SEPTIN14: variants seen among roughly 807,000 people sequenced by gnomAD.
SEPTIN14 encodes septin-14.
Under a neutral mutation model 53.6 loss-of-function variants are expected in SEPTIN14, and 40 were observed. The observed-to-expected ratio is 0.75, with a 90% CI of 0.58 to 0.97. SEPTIN14 has a LOEUF of 0.97. SEPTIN14 is among the 50% of genes least tolerant of loss of function. The pLI is 0.00. For synonymous variants in SEPTIN14, 138 were observed against 166.8 expected, an observed-to-expected ratio of 0.83 and a Z score of 1.33; for missense variants, 471 against 508.2, an observed-to-expected ratio of 0.93 and a Z score of 0.70.
intron 5 of SEPTIN14, 136 bp downstream of exon 5, chr7:55,842,806 G>C: frequency 4.4e-6 from 2 of 453,616 alleles, no homozygotes; most frequent in South Asian, 8.8e-5. Context: ...CCAGCTACTC[G>C]GGAGGCTGAA....
chr7:55,817,309 T>C (rs1276177767), intron 7 of SEPTIN14, among the ~76,000 whole-genome samples: 1 of 152,046 alleles, frequency 6.6e-6, no homozygotes, highest in Non-Finnish European at 1.5e-5. Context: ...AAAGTTAAAC[T>C]TGTAGAAACA....
intron 9 of SEPTIN14, among the ~76,000 whole-genome samples, chr7:55,801,955 C>A (rs1788527702): frequency 6.6e-6 from 1 of 151,464 alleles, no homozygotes; most frequent in African/African-American, 2.4e-5. Flanking sequence ...TACAAAAATA[C>A]TTCCCAAAGT....
intron 2 of SEPTIN14, among the ~76,000 whole-genome samples, chr7:55,854,028 G>A (rs977706838): frequency 6.6e-6 from 1 of 152,072 alleles, no homozygotes; most frequent in African/African-American, 2.4e-5. Flanking sequence ...GGCTGAGGCG[G>A]GAGAATCACT....
intron 5 of SEPTIN14, among the ~76,000 whole-genome samples, chr7:55,835,626 A>G (rs1789192232): frequency 6.6e-6 from 1 of 152,268 alleles, no homozygotes; most frequent in East Asian, 1.9e-4. Flanking sequence ...TTTTCCATCA[A>G]TCAATCTTAA....
chr7:55,842,028 A>C (rs988620015), intron 5 of SEPTIN14, among the ~76,000 whole-genome samples: 1 of 151,882 alleles, frequency 6.6e-6, no homozygotes, highest in Non-Finnish European at 1.5e-5. Flanking sequence ...GTAAGACTCC[A>C]TCTCAAAATA....
At position 55,837,575 on chromosome 7, in the gene SEPTIN14, T is replaced by C. The variant is rs147086386; in HGVS notation, c.559-2989A>G. 6.4e-3 allele frequency among the ~76,000 whole-genome samples: 978 copies of C among 152,050 alleles called. 4 individuals are homozygous for C. Among genetic ancestry groups the C allele is most frequent in the Non-Finnish European group, 9.8e-3 (664 of 67,926 alleles). Reference sequence around the variant, plus strand: ...GCAGGCAGCTTGAACCCACTACCCATGCTTTTTTATTTATTTTTTTTTTTG... The same window carrying C: ...GCAGGCAGCTTGAACCCACTACCCACGCTTTTTTATTTATTTTTTTTTTTG... On this transcript the variant is annotated intron_variant, in intron 5 of 9. Coordinates refer to ENST00000388975, the MANE Select transcript of SEPTIN14 (RefSeq NM_207366.3).
At chr7:55,844,844 C>T in intron 3 of SEPTIN14, 126 bp from the exon 4 acceptor site, 1 of 435,548 alleles carries the variant, frequency 2.3e-6, no homozygotes, top group Non-Finnish European at 4.0e-6. Context: ...GAGTAGTATT[C>T]TGGCTACCAG....
chr7:55,808,774 A>G (rs555764933), intron 7 of SEPTIN14, among the ~76,000 whole-genome samples: 1 of 151,860 alleles, frequency 6.6e-6, no homozygotes, highest in South Asian at 2.1e-4. Context: ...ATGGTTTCGA[A>G]CTCCTGACCT....
chr7:55,834,553 T>C lies in SEPTIN14; in HGVS notation c.592A>G (p.Thr198Ala). 1.9e-6 allele frequency: 3 copies of C among 1,610,912 alleles called. No individual in the cohort carries two copies. Among genetic ancestry groups the C allele is most frequent in the Non-Finnish European group, 2.5e-6 (3 of 1,177,676 alleles). The change falls in exon 6 of 10, where the codon ACT becomes GCT. Residue 198 changes from threonine to alanine, a missense_variant. By Grantham distance (58) the Thr-to-Ala change is moderately conservative (BLOSUM62 0). Coordinates refer to ENST00000388975, the MANE Select transcript of SEPTIN14 (RefSeq NM_207366.3). ...NIIPLIAKADTISKNDLQTFK... is the reference protein window; with the variant it reads ...NIIPLIAKADAISKNDLQTFK... ...GTCTGTAAATCATTTTTAGAAATAG[T>C]GTCTGCTTTGGCAATCAGTGGTATA...
chr7:55,835,393 G>A lies in SEPTIN14; in HGVS notation c.559-807C>T, dbSNP rs192029407. 4.9e-3 allele frequency among the ~76,000 whole-genome samples: 742 copies of A among 151,736 alleles called. 9 individuals are homozygous for A. The highest frequency in any genetic ancestry group is 0.016 in the African/African-American group (674 of 41,350). ...ACTTTTTGGTATTTTTAGTAGAGACGGGGTTTCACCGTGTTAGCCAGGATA... is the reference window on the plus strand; with the variant it reads ...ACTTTTTGGTATTTTTAGTAGAGACAGGGTTTCACCGTGTTAGCCAGGATA... On this transcript the variant is annotated intron_variant, in intron 5 of 9. Transcript: ENST00000388975.
intron 9 of SEPTIN14, among the ~76,000 whole-genome samples, chr7:55,800,231 A>G (rs759892005): frequency 6.6e-6 from 1 of 152,200 alleles, no homozygotes; most frequent in Non-Finnish European, 1.5e-5. Flanking sequence ...TTGCAACAAC[A>G]TGGATGGAAC....
chr7:55,836,537 A>C (rs545509768), intron 5 of SEPTIN14, among the ~76,000 whole-genome samples: 19 of 152,270 alleles, frequency 1.2e-4, no homozygotes, highest in African/African-American at 4.1e-4. Flanking sequence ...CCAGGAGTTC[A>C]AGACCAGCCT....
chr7:55,825,837 T>A (rs1788974353), intron 6 of SEPTIN14, among the ~76,000 whole-genome samples: 1 of 151,974 alleles, frequency 6.6e-6, no homozygotes, highest in Admixed American at 6.6e-5. Context: ...GCATGGTGGC[T>A]CACTCCTGTA....
chr7:55,814,501 A>G (rs1788760519), intron 7 of SEPTIN14, among the ~76,000 whole-genome samples: 1 of 152,204 alleles, frequency 6.6e-6, no homozygotes, highest in African/African-American at 2.4e-5. Context: ...TAGCATTATT[A>G]TATGCCAACA....
At chr7:55,843,262 A>C in intron 4 of SEPTIN14, 134 bp from the exon 5 acceptor site, 1 of 509,520 alleles carries the variant, frequency 2.0e-6, no homozygotes, top group Admixed American at 3.7e-5. Context: ...TAACATGTCC[A>C]TACAAAGATA....
chr7:55,853,463 G>C (rs1484770158), intron 2 of SEPTIN14, among the ~76,000 whole-genome samples: 1 of 152,136 alleles, frequency 6.6e-6, no homozygotes, highest in African/African-American at 2.4e-5. Context: ...TTACTTGTGG[G>C]AGCTAAAAAT....
chr7:55,832,991 TCTATAGTAGTAA>T (rs1789136764), intron 6 of SEPTIN14, among the ~76,000 whole-genome samples: 1 of 152,012 alleles, frequency 6.6e-6, no homozygotes, highest in African/African-American at 2.4e-5. Context: ...ACAAAGGAAT[TCTATAGTAGTAA>T]ACACCTACAT....
In SEPTIN14 at chr7:55,805,176, A is replaced by G. The variant is rs1728687062; in HGVS notation, c.1119+82T>C. 4.6e-6 allele frequency: 6 copies of G among 1,301,352 alleles called. No homozygotes were observed. In the South Asian group the frequency reaches 6.4e-5, roughly 14 times the overall value. 80.6% of individuals were successfully genotyped at this position (1,301,352 alleles called of 1,614,324 possible). The stretch of plus-strand genomic sequence containing the variant: ...TAGCAAGTATCCTCCAAAAACATCA[A>G]GTAAACTCTTGAGATTAAAACCCCC... On this transcript the variant is annotated intron_variant, in intron 9 of 9. Transcript: ENST00000388975.
At position 55,809,361 on chromosome 7, in the gene SEPTIN14, A is replaced by AT. The variant is rs35956704; in HGVS notation, c.818-2104dup. Among the ~76,000 whole-genome samples the AT allele has an allele frequency of 8.1e-3, 1,006 of 124,462 alleles. 20 individuals carry two copies. Among genetic ancestry groups the AT allele is most frequent in the African/African-American group, 0.024 (819 of 33,550 alleles). 81.7% of individuals were successfully genotyped at this position (124,462 alleles called of 152,430 possible). ...AGTATATGTGCTGCTAAAGTGAGCA[A>AT]TTTTTTTTTTTTGAGATGGAATCTC... On this transcript the variant is annotated intron_variant, in intron 7 of 9. Coordinates refer to ENST00000388975, the MANE Select transcript of SEPTIN14 (RefSeq NM_207366.3).
Sources: gnomAD v4.1 joint callset for allele counts (sites outside exome capture counted in the v4.1 genomes callset) on GRCh38, gnomAD v4.1.1 for gene constraint, MANE v1.5 for transcripts, NCBI Gene and HGNC (gene_info 2026-07-23, HGNC 2026-07-21) for gene names.